The following MLF1 variants were observed in gnomAD, a reference collection of about 807,000 sequenced individuals.
The protein encoded by MLF1 is myeloid leukemia factor 1.
Under a neutral mutation model 38.3 loss-of-function variants are expected in MLF1, and 37 were observed. The observed-to-expected ratio is 0.96, with a 90% CI of 0.74 to 1.27. The LOEUF (loss-of-function observed/expected upper bound fraction) is 1.27. Ranked by LOEUF, MLF1 falls within the 50% of genes most tolerant of loss-of-function variation. The pLI, the probability that MLF1 is intolerant of heterozygous loss-of-function variation, is 0.00. For synonymous variants in MLF1, 95 were observed against 106.5 expected, an observed-to-expected ratio of 0.89 and a Z score of 0.66; for missense variants, 331 against 349.2, an observed-to-expected ratio of 0.95 and a Z score of 0.42.
rs760411473 is a variant in MLF1 at position 158,602,924 on chromosome 3, G to A, written c.731G>A (p.Arg244Gln). Residue 244 changes from arginine to glutamine, a missense_variant, in exon 7 of 8, where the codon CGA (arginine) becomes CAA (glutamine). Transcript: ENST00000466246. ...RSVGHENPGS[R>Q]ELKRREKPQQ... The stretch of plus-strand genomic sequence containing the variant: ...GTTGGCCATGAGAATCCTGGCTCCC[G>A]AGAACTTAAAAGAAGGTAAAAGTTG... 2.5e-6 allele frequency: 4 copies of A among 1,611,186 alleles called. No individual in the cohort carries two copies. Among genetic ancestry groups the A allele is most frequent in the African/African-American group, 1.3e-5 (1 of 74,746 alleles).
At chr3:158,590,936 C>T (rs1180630438) in intron 1 of MLF1, 2 of 407,670 alleles carry the variant, frequency 4.9e-6, no homozygotes, top group Non-Finnish European at 9.6e-6. Context: ...TCCAGTTAAG[C>T]AGTTTGCTAA....
At position 158,592,535 on chromosome 3, in the gene MLF1, G is replaced by A. The variant is rs1234357717; in HGVS notation, c.149G>A (p.Arg50Lys). Residue 50 changes from arginine to lysine, a missense_variant, in exon 2 of 8, where the codon AGA becomes AAA. Coordinates refer to ENST00000466246, the MANE Select transcript of MLF1 (RefSeq NM_001369783.1). ...DLLSISDGRG[R>K]AHNRRGHNDG... ...CTCAGTATCTCTGATGGTAGAGGGA[G>A]AGCTCATAATCGTAGAGGACATAAT... 1 of 1,612,484 alleles carries A rather than the reference G, an allele frequency of 6.2e-7. No individual in the cohort carries two copies. Among genetic ancestry groups the A allele is most frequent in the Non-Finnish European group, 8.5e-7 (1 of 1,179,532 alleles).
At chr3:158,590,237 A>G (rs745378571) in intron 1 of MLF1, among the ~76,000 whole-genome samples, 14 of 152,248 alleles carry the variant, frequency 9.2e-5, no homozygotes, top group Admixed American at 5.9e-4. Context: ...ATCAAAGAAC[A>G]TACATGAATG....
chr3:158,588,272 C>G (rs1717561967), intron 1 of MLF1, among the ~76,000 whole-genome samples: 1 of 152,188 alleles, frequency 6.6e-6, no homozygotes, highest in Admixed American at 6.5e-5. Flanking sequence ...TGAGTCAGAA[C>G]TACCCACCTA....
At chr3:158,587,795 TC>T (rs1717459497) in intron 1 of MLF1, among the ~76,000 whole-genome samples, 1 of 152,038 alleles carries the variant, frequency 6.6e-6, no homozygotes, top group South Asian at 2.1e-4. Flanking sequence ...GGTCAGGAAA[TC>T]GAGACCATCC....
chr3:158,596,832 G>A, intron 3 of MLF1, 30 bp from the exon 4 acceptor site: 1 of 1,478,232 alleles, frequency 6.8e-7, no homozygotes. Context: ...GTTACCTACA[G>A]TTAATAACAT....
rs1720477195 is a variant in MLF1, at chr3:158,606,280, A to G, written c.*1078A>G. ...GTTGTTTAATATTTCTGTCAAGGAA[A>G]AAAGCCCCCAAAAATTGCTATCACT... On this transcript the variant is annotated 3_prime_UTR_variant, in exon 8 of 8. Transcript: ENST00000466246. 5.7e-6 allele frequency: 1 copy of G among 174,566 alleles called. No individual in the cohort carries two copies. Among genetic ancestry groups the G allele is most frequent in the African/African-American group, 2.4e-5 (1 of 42,182 alleles). The allele number at this position is 174,566 out of a possible 1,614,324, so 10.8% of individuals were successfully genotyped here.
At chr3:158,583,607 G>A (rs1716751599) in intron 1 of MLF1, among the ~76,000 whole-genome samples, 1 of 152,002 alleles carries the variant, frequency 6.6e-6, no homozygotes, top group African/African-American at 2.4e-5. Flanking sequence ...GACAGAGATG[G>A]GAAATGGAAG....
intron 5 of MLF1, among the ~76,000 whole-genome samples, chr3:158,598,880 T>G (rs1172853799): frequency 6.6e-6 from 1 of 152,170 alleles, no homozygotes; most frequent in Admixed American, 6.6e-5. Flanking sequence ...ATTAAAAAAA[T>G]GGATTATTTT....
intron 1 of MLF1, among the ~76,000 whole-genome samples, chr3:158,577,391 G>A (rs748378748): frequency 1.4e-4 from 22 of 152,164 alleles, no homozygotes; most frequent in Non-Finnish European, 2.5e-4. Context: ...CTGCCAAATT[G>A]TCATAGCTTG....
chr3:158,595,219 G>A (rs2108628129), intron 3 of MLF1, among the ~76,000 whole-genome samples: 1 of 152,214 alleles, frequency 6.6e-6, no homozygotes, highest in East Asian at 1.9e-4. Context: ...ACCAGCGGTG[G>A]CCTTTCTCAG....
chr3:158,578,989 A>G (rs977111874), intron 1 of MLF1, among the ~76,000 whole-genome samples: 1 of 152,166 alleles, frequency 6.6e-6, no homozygotes, highest in African/African-American at 2.4e-5. Context: ...TTAGATATTC[A>G]CTAAAGCATG....
At chr3:158,598,506 G>A (rs922325566) in intron 5 of MLF1, among the ~76,000 whole-genome samples, 2 of 147,564 alleles carry the variant, frequency 1.4e-5, no homozygotes, top group South Asian at 4.4e-4. Flanking sequence ...AACAAAACAC[G>A]AAAAGAAGCC....
chr3:158,602,801 A>T lies in MLF1; in HGVS notation c.614-6A>T. 6.2e-7 allele frequency: 1 copy of T among 1,612,534 alleles called. No individual in the cohort carries two copies. The highest frequency in any genetic ancestry group is 1.1e-5 in the South Asian group (1 of 90,818). On this transcript the variant is annotated splice_region_variant and splice_polypyrimidine_tract_variant and intron_variant, in intron 6 of 7. Coordinates refer to ENST00000466246, the MANE Select transcript of MLF1 (RefSeq NM_001369783.1). ...CTTATTCCCATTATTTTTCTGTTTG[A>T]CATAGGTGATGCTCATGCTTTTGAT...
chr3:158,588,027 A>G (rs1717509115), intron 1 of MLF1, among the ~76,000 whole-genome samples: 1 of 152,142 alleles, frequency 6.6e-6, no homozygotes. Flanking sequence ...ATTAAATTAA[A>G]GAGCATGGCT....
At chr3:158,597,575 A>G (rs998350888) in intron 4 of MLF1, among the ~76,000 whole-genome samples, 1 of 152,170 alleles carries the variant, frequency 6.6e-6, no homozygotes, top group Non-Finnish European at 1.5e-5. Context: ...TTTGAATTCT[A>G]TGGATCATTT....
intron 4 of MLF1, among the ~76,000 whole-genome samples, chr3:158,597,765 A>G (rs937819242): frequency 1.3e-5 from 2 of 152,190 alleles, no homozygotes; most frequent in African/African-American, 2.4e-5. Context: ...TAGCATCTTT[A>G]TTGAAATCTA....
Position 158,592,641 on chromosome 3 carries a change from A to G in MLF1, c.195+60A>G, listed in dbSNP as rs1051858053. ...GCCCTGTAGGAATTTGAAGAAAAGT[A>G]TTACAGAAGTATATATCTATAATGA... is the stretch of plus-strand genomic sequence containing the variant. On this transcript the variant is annotated intron_variant, in intron 2 of 7. Transcript: ENST00000466246. The G allele has an allele frequency of 6.8e-6, 9 of 1,330,506 alleles. No individual in the cohort carries two copies. In the Admixed American group the frequency reaches 8.0e-5, roughly 12 times the overall value. The allele number at this position is 1,330,506 out of a possible 1,614,324, so 82.4% of individuals were successfully genotyped here. A position where few individuals can be genotyped will look rare whatever the true frequency, so the allele number is the denominator to read the frequency against.
At chr3:158,572,756 G>A (rs1714719582) in intron 1 of MLF1, among the ~76,000 whole-genome samples, 1 of 138,872 alleles carries the variant, frequency 7.2e-6, no homozygotes, top group African/African-American at 2.7e-5. Flanking sequence ...GAGGTGGACA[G>A]AGGAGAGTTG....
Sources: allele counts gnomAD v4.1 joint callset (sites outside exome capture counted in the v4.1 genomes callset), GRCh38; gene constraint gnomAD v4.1.1; transcripts MANE v1.5; gene names NCBI Gene and HGNC (gene_info 2026-07-23, HGNC 2026-07-21).